GALNT7: variants seen among roughly 807,000 people sequenced by gnomAD.
GALNT7 encodes polypeptide N-acetylgalactosaminyltransferase 7.
Under a neutral mutation model 82.1 loss-of-function variants are expected in GALNT7, and 60 were observed. The observed-to-expected ratio is 0.73, with a 90% CI of 0.59 to 0.91. GALNT7 has a LOEUF of 0.91. GALNT7 is among the 40% of genes least tolerant of loss of function. The pLI, the probability that GALNT7 is intolerant of heterozygous loss-of-function variation, is 0.00. For synonymous variants in GALNT7, 243 were observed against 275.1 expected, an observed-to-expected ratio of 0.88 and a Z score of 1.15; for missense variants, 660 against 804.2, an observed-to-expected ratio of 0.82 and a Z score of 2.17.
intron 1 of GALNT7, among the ~76,000 whole-genome samples, chr4:173,217,216 G>A (rs1184026960): frequency 1.3e-5 from 2 of 152,062 alleles, no homozygotes; most frequent in Non-Finnish European, 2.9e-5. Flanking sequence ...ACATGTATAG[G>A]CATGATCCTC....
chr4:173,197,786 AGGAG>A (rs200093551), intron 1 of GALNT7, among the ~76,000 whole-genome samples: 1,557 of 152,208 alleles, frequency 0.01, 14 homozygotes, highest in Non-Finnish European at 0.015. Flanking sequence ...CAATAATGGG[AGGAG>A]GATGGGCTTT....
In GALNT7 at chr4:173,292,093, A is replaced by G. The variant is rs548776866; in HGVS notation, c.588-15A>G. ...ATTACCTGTAAATAAATATGATGAA[A>G]TTTTCTCTTTACAGATGCAAGTATT... On this transcript the variant is annotated splice_polypyrimidine_tract_variant and intron_variant, in intron 2 of 11. Transcript: ENST00000265000. The surrounding 1 kb of genome is among the most constrained non-coding windows in gnomAD (Gnocchi z 4.8). 6.8e-5 allele frequency: 107 copies of G among 1,582,406 alleles called. No individual in the cohort carries two copies. The highest frequency in any genetic ancestry group is 8.9e-5 in the Non-Finnish European group (103 of 1,156,218).
intron 2 of GALNT7, among the ~76,000 whole-genome samples, chr4:173,267,905 A>C (rs1485522966): frequency 1.3e-5 from 2 of 152,088 alleles, no homozygotes; most frequent in Admixed American, 6.5e-5. Context: ...TGGCATAGAG[A>C]AGCTTCAGAA....
intron 1 of GALNT7, among the ~76,000 whole-genome samples, chr4:173,187,777 G>C (rs750835745): frequency 1.1e-4 from 16 of 152,002 alleles, no homozygotes; most frequent in Non-Finnish European, 2.4e-4. Flanking sequence ...TAAAAATATT[G>C]GTTTCTTAAT....
chr4:173,210,394 CT>C (rs1338026825), intron 1 of GALNT7, among the ~76,000 whole-genome samples: 1 of 152,192 alleles, frequency 6.6e-6, no homozygotes, highest in Non-Finnish European at 1.5e-5. Context: ...CACCTTTGCA[CT>C]TTTGCACAAA....
chr4:173,195,234 C>T (rs1239261079), intron 1 of GALNT7, among the ~76,000 whole-genome samples: 1 of 152,134 alleles, frequency 6.6e-6, no homozygotes, highest in African/African-American at 2.4e-5. Flanking sequence ...GTATTTGTGA[C>T]TATTTCTCAT....
At chr4:173,257,371 C>T (rs1377232007) in intron 2 of GALNT7, among the ~76,000 whole-genome samples, 3 of 152,050 alleles carry the variant, frequency 2.0e-5, no homozygotes, top group Non-Finnish European at 4.4e-5. Flanking sequence ...CTTGAATGCA[C>T]TTATAAATAA....
chr4:173,310,028 T>C (rs1411265133), intron 8 of GALNT7, among the ~76,000 whole-genome samples: 1 of 152,222 alleles, frequency 6.6e-6, no homozygotes, highest in Admixed American at 6.5e-5. Context: ...TAAGTGTGAA[T>C]TTAGCATACA....
At chr4:173,219,338 G>A (rs1579922523) in intron 1 of GALNT7, among the ~76,000 whole-genome samples, 2 of 151,992 alleles carry the variant, frequency 1.3e-5, no homozygotes, top group Admixed American at 6.6e-5. Context: ...TCCATGGTGT[G>A]TGTGTGTGTG....
intron 2 of GALNT7, among the ~76,000 whole-genome samples, chr4:173,253,326 G>T (rs532825771): frequency 6.6e-6 from 1 of 152,144 alleles, no homozygotes; most frequent in Non-Finnish European, 1.5e-5. Context: ...CATGTAGTGC[G>T]GTTTACTTGG....
intron 2 of GALNT7, among the ~76,000 whole-genome samples, chr4:173,268,591 C>T (rs1432495521): frequency 3.4e-5 from 4 of 116,046 alleles, no homozygotes; most frequent in African/African-American, 6.4e-5. Flanking sequence ...CCAGGCGTGG[C>T]GCCATCTTGG....
rs567660945 is a variant in GALNT7 at position 173,303,194 on chromosome 4, CA to C, written c.1267-789del. ...TGGGGGACAGAGCGAGACTCCGTCT[CA>C]AAAAAAAAAAAAGAAAGAGCGAGCG... On this transcript the variant is annotated intron_variant, in intron 7 of 11. Coordinates refer to ENST00000265000, the MANE Select transcript of GALNT7 (RefSeq NM_017423.3). 7.6e-3 allele frequency among the ~76,000 whole-genome samples: 970 copies of C among 128,114 alleles called. 9 individuals are homozygous for C. The highest frequency in any genetic ancestry group is 0.021 in the African/African-American group (774 of 36,162). 84.0% of individuals were successfully genotyped at this position (128,114 alleles called of 152,430 possible). A position where few individuals can be genotyped will look rare whatever the true frequency, so the allele number is the denominator to read the frequency against.
intron 1 of GALNT7, among the ~76,000 whole-genome samples, chr4:173,226,175 TC>T (rs1448235259): frequency 6.6e-6 from 1 of 152,190 alleles, no homozygotes; most frequent in Non-Finnish European, 1.5e-5. Context: ...TATAATTTCT[TC>T]AAAACAAATT....
rs200878726 is a variant in GALNT7, at chr4:173,295,376, C to T, written c.755-20C>T. ...TTTCTATTCGTCTAATTTATAATAT[C>T]GATTGATTTTTCTTAACAGAACACT... On this transcript the variant is annotated intron_variant, in intron 3 of 11. Transcript: ENST00000265000. 688 of 1,484,868 alleles carry T rather than the reference C, an allele frequency of 4.6e-4. No homozygotes were observed. The highest frequency in any genetic ancestry group is 5.9e-4 in the Non-Finnish European group (625 of 1,065,294). The allele number at this position is 1,484,868 out of a possible 1,614,324, so 92.0% of individuals were successfully genotyped here. A position where few individuals can be genotyped will look rare whatever the true frequency, so the allele number is the denominator to read the frequency against.
At chr4:173,178,039 GTGTGTGTGTGTGTGCGCGCA>G (rs1732112750) in intron 1 of GALNT7, among the ~76,000 whole-genome samples, 3 of 121,502 alleles carry the variant, frequency 2.5e-5, no homozygotes, top group African/African-American at 1.1e-4. Context: ...GTGTGTGTGT[GTGTGTGTGTGTGTGCGCGCA>G]CGCGCGTGCG....
intron 1 of GALNT7, among the ~76,000 whole-genome samples, chr4:173,178,448 TCAC>T (rs1294760149): frequency 6.6e-6 from 1 of 152,184 alleles, no homozygotes; most frequent in Non-Finnish European, 1.5e-5. Context: ...TGAACTGCAG[TCAC>T]CTAGGGCCTA....
Position 173,213,226 on chromosome 4 carries a change from A to AGT in GALNT7, c.127-34753_127-34752dup, listed in dbSNP as rs1305684783. Among the ~76,000 whole-genome samples the AGT allele has an allele frequency of 1.3e-4, 9 of 70,880 alleles. No individual in the cohort carries two copies. In the South Asian group the frequency reaches 4.0e-3, roughly 32 times the overall value. 46.5% of individuals were successfully genotyped at this position (70,880 alleles called of 152,430 possible). A position where few individuals can be genotyped will look rare whatever the true frequency, so the allele number is the denominator to read the frequency against. ...CTCGTTTTACATTCTCCTCCTTTCT[A>AGT]GTTTTTTTTTCCTTCTTATGCAGAA... is the stretch of plus-strand genomic sequence containing the variant. On this transcript the variant is annotated intron_variant, in intron 1 of 11. Coordinates refer to ENST00000265000, the MANE Select transcript of GALNT7 (RefSeq NM_017423.3).
intron 2 of GALNT7, among the ~76,000 whole-genome samples, chr4:173,267,231 C>G (rs1453742263): frequency 6.6e-6 from 1 of 151,926 alleles, no homozygotes; most frequent in African/African-American, 2.4e-5. Flanking sequence ...TTTTTAAAAG[C>G]CACCTTAGTA....
intron 9 of GALNT7, among the ~76,000 whole-genome samples, chr4:173,315,395 G>T (rs1218097786): frequency 6.6e-6 from 1 of 152,176 alleles, no homozygotes; most frequent in African/African-American, 2.4e-5. Flanking sequence ...GAGCCATTAA[G>T]GCCTACTGAT....
Sources: allele counts gnomAD v4.1 joint callset (sites outside exome capture counted in the v4.1 genomes callset), GRCh38; gene constraint gnomAD v4.1.1; non-coding constraint Gnocchi (gnomAD v3.1); transcripts MANE v1.5; gene names NCBI Gene and HGNC (gene_info 2026-07-23, HGNC 2026-07-21).